Variants in IQGAP1 observed in about 807,000 individuals in gnomAD.
IQGAP1 encodes the protein ras GTPase-activating-like protein IQGAP1.
IQGAP1 carries 66 observed loss-of-function variants against 215.6 expected under a neutral mutation model. The ratio of observed to expected loss-of-function variants is 0.31; its 90% CI spans 0.25 to 0.38. The LOEUF is 0.38. IQGAP1 is among the 10% of genes least tolerant of loss of function. The pLI is 1.00. For synonymous variants in IQGAP1, 772 were observed against 728.7 expected (o/e 1.06, Z -0.96); for missense variants, 1,712 against 1,997.1 (o/e 0.86, Z 2.72).
intron 26 of IQGAP1, among the ~76,000 whole-genome samples, chr15:90,480,232 A>AG (rs1161691381): frequency 6.6e-6 from 1 of 151,938 alleles, no homozygotes; most frequent in African/African-American, 2.4e-5. Context: ...AAAAAAAAAA[A>AG]AAAAAAAAAG....
intron 5 of IQGAP1, among the ~76,000 whole-genome samples, chr15:90,435,368 C>T (rs1000807547): frequency 2.6e-5 from 4 of 152,142 alleles, no homozygotes; most frequent in African/African-American, 4.8e-5. Flanking sequence ...CCTAGCTACT[C>T]TGGAGGCTGA....
At position 90,467,444 on chromosome 15, in the gene IQGAP1, T is replaced by C; in HGVS notation, c.2036-6T>C. 1 of 1,606,422 alleles carries C rather than the reference T, an allele frequency of 6.2e-7. No individual in the cohort carries two copies. Among genetic ancestry groups the C allele is most frequent in the Non-Finnish European group, 8.5e-7 (1 of 1,177,444 alleles). On this transcript the variant is annotated splice_region_variant and splice_polypyrimidine_tract_variant and intron_variant, in intron 17 of 37. Transcript: ENST00000268182. ...TGTCTTCTATCTTTCCTTTATTTTC[T>C]GCCAGGAGATAATAACAGCAAGTGG...
intron 2 of IQGAP1, among the ~76,000 whole-genome samples, chr15:90,408,174 T>C (rs1964907519): frequency 6.6e-6 from 1 of 152,232 alleles, no homozygotes; most frequent in African/African-American, 2.4e-5. Flanking sequence ...ATGGCACCTC[T>C]CACCACAGTG....
chr15:90,481,362 T>G (rs1334760507), intron 26 of IQGAP1, among the ~76,000 whole-genome samples: 2 of 150,786 alleles, frequency 1.3e-5, no homozygotes, highest in Admixed American at 6.6e-5. Flanking sequence ...TGCTAGCATG[T>G]GCTGCTGTGC....
rs1391725238 is a variant in IQGAP1, at chr15:90,390,792, G to A, written c.74G>A (p.Arg25Lys). The change falls in exon 2 of 38, where the codon AGA becomes AAA. Residue 25 changes from arginine to lysine, a missense_variant. Transcript: ENST00000268182. The stretch of plus-strand genomic sequence containing the variant: ...GTTGTAGCTGTCCTGGATAATGAAA[G>A]ACTTACTGCAGAGGAGATGGATGAA... ...PHYGSVLDNE[R>K]LTAEEMDERR... 1.6e-5 allele frequency: 26 copies of A among 1,611,112 alleles called. No homozygotes were observed.
In IQGAP1 at chr15:90,487,408, G is replaced by GTGC. The variant is rs3833031; in HGVS notation, c.4161-67_4161-65dup. The GTGC allele has an allele frequency of 1.3e-3, 1,166 of 911,272 alleles. 13 individuals are homozygous for GTGC. In the East Asian group the frequency reaches 0.019, roughly 15 times the overall value. The allele number at this position is 911,272 out of a possible 1,614,324, so 56.4% of individuals were successfully genotyped here. A position where few individuals can be genotyped will look rare whatever the true frequency, so the allele number is the denominator to read the frequency against. On this transcript the variant is annotated intron_variant, in intron 32 of 37. Transcript: ENST00000268182. Reference sequence around the variant, plus strand: ...TTGGGACTTCTGTGAGGTACTGTTTGTGCTGCTGCTGCTGCTGCTGCTTCG... The same window carrying GTGC: ...TTGGGACTTCTGTGAGGTACTGTTTGTGCTGCTGCTGCTGCTGCTGCTGCTTCG...
chr15:90,394,773 C>T (rs928745213), intron 2 of IQGAP1, among the ~76,000 whole-genome samples: 2 of 147,982 alleles, frequency 1.4e-5, no homozygotes, highest in African/African-American at 5.1e-5. Flanking sequence ...GAAAAGCTTC[C>T]CCTCTTCAGT....
At chr15:90,388,759 G>C (rs1440673196) in intron 1 of IQGAP1, among the ~76,000 whole-genome samples, 1 of 152,184 alleles carries the variant, frequency 6.6e-6, no homozygotes, top group African/African-American at 2.4e-5. Flanking sequence ...GTCTGGGTAC[G>C]CGGGCTCTGC....
At chr15:90,426,563 T>C (rs561972875) in intron 3 of IQGAP1, among the ~76,000 whole-genome samples, 151 of 150,492 alleles carry the variant, frequency 1.0e-3, no homozygotes, top group African/African-American at 3.6e-3. Flanking sequence ...CTGGTAGAAT[T>C]CTTATGATGT....
At position 90,467,591 on chromosome 15, in the gene IQGAP1, A is replaced by T. The variant is rs372432449; in HGVS notation, c.2177A>T (p.Gln726Leu). ...NSMQLSREEI[Q>L]SSISGVTAAY... is the part of the protein sequence containing the mutation. ...ATGCAGCTTTCTCGGGAGGAGATCC[A>T]GGTAGGTTACCTTTCTTCACGTAAG... The change falls in exon 18 of 38, where the codon CAG becomes CTG. Residue 726 changes from glutamine (Q) to leucine (L), a missense_variant and splice_region_variant. Transcript: ENST00000268182. 1.9e-6 allele frequency: 3 copies of T among 1,605,468 alleles called. No homozygotes were observed. The African/African-American group carries it at 4.1e-5, about 22-fold the overall frequency.
intron 5 of IQGAP1, among the ~76,000 whole-genome samples, chr15:90,436,401 G>T (rs1437409066): frequency 6.6e-6 from 1 of 152,158 alleles, no homozygotes; most frequent in Non-Finnish European, 1.5e-5. Flanking sequence ...CTGGCTCCAA[G>T]AATTTGGATA....
chr15:90,402,282 A>G (rs1341490413), intron 2 of IQGAP1, among the ~76,000 whole-genome samples: 1 of 152,164 alleles, frequency 6.6e-6, no homozygotes, highest in Non-Finnish European at 1.5e-5. Context: ...GTTCCTTCCT[A>G]CCACTTTCTT....
intron 2 of IQGAP1, among the ~76,000 whole-genome samples, chr15:90,423,906 A>G (rs1393644346): frequency 6.6e-6 from 1 of 152,244 alleles, no homozygotes; most frequent in East Asian, 1.9e-4. Flanking sequence ...AATCTCAGAA[A>G]AGAGGAAAAC....
chr15:90,494,789 C>G lies in IQGAP1; in HGVS notation c.4705C>G (p.His1569Asp), dbSNP rs773127918. 1 of 1,607,230 alleles carries G rather than the reference C, an allele frequency of 6.2e-7. No homozygotes were observed. Among genetic ancestry groups the G allele is most frequent in the Non-Finnish European group, 8.5e-7 (1 of 1,175,462 alleles). Residue 1569 changes from histidine to aspartate, a missense_variant, in exon 36 of 38, where the codon CAT becomes GAT. His to Asp is a moderately conservative substitution (Grantham distance 81). Around this residue, in one of 2 missense-constraint regions of IQGAP1, gnomAD observed 691 missense variants for 923.0 expected, o/e 0.75. Coordinates refer to ENST00000268182, the MANE Select transcript of IQGAP1 (RefSeq NM_003870.4). Reference sequence around the variant, plus strand: ...TCTGAAATATACAGCAGCAAGACTACATGAAAAAGGAGTTCTTCTGGAAAT... The same window carrying G: ...TCTGAAATATACAGCAGCAAGACTAGATGAAAAAGGAGTTCTTCTGGAAAT... ...ISLKYTAARLHEKGVLLEIED... is the reference protein window; with the variant it reads ...ISLKYTAARLDEKGVLLEIED...
chr15:90,485,992 T>C, intron 30 of IQGAP1, 38 bp from the exon 31 acceptor site: 2 of 1,483,428 alleles, frequency 1.3e-6, no homozygotes, highest in Non-Finnish European at 1.9e-6. Context: ...GGCTGAAGAG[T>C]TGAATGTATA....
At chr15:90,473,683 A>C in intron 19 of IQGAP1, 32 bp from the exon 20 acceptor site, 1 of 1,464,248 alleles carries the variant, frequency 6.8e-7, no homozygotes, top group South Asian at 1.2e-5. Context: ...CTTGGGAAGT[A>C]ATATGTCTTC....
chr15:90,466,550 A>G (rs980560911), intron 17 of IQGAP1, 114 bp downstream of exon 17: 18 of 971,708 alleles, frequency 1.9e-5, no homozygotes, highest in African/African-American at 3.3e-5. Context: ...ATAGATGTAC[A>G]GTACTTAGGC....
chr15:90,444,030 C>T (rs1269473136), intron 9 of IQGAP1, among the ~76,000 whole-genome samples: 1 of 151,564 alleles, frequency 6.6e-6, no homozygotes, highest in Non-Finnish European at 1.5e-5. Flanking sequence ...TGCCACTGTA[C>T]TCCAGACTGG....
At chr15:90,471,821 CA>C (rs1469982483) in intron 18 of IQGAP1, among the ~76,000 whole-genome samples, 1 of 137,562 alleles carries the variant, frequency 7.3e-6, no homozygotes, top group Non-Finnish European at 1.5e-5. Flanking sequence ...CTTTTAAGTG[CA>C]TACAGTGTTG....
Sources: gnomAD v4.1 joint callset for allele counts (sites outside exome capture counted in the v4.1 genomes callset) on GRCh38, gnomAD v4.1.1 for gene constraint, gnomAD v4.1.1 regional missense constraint, MANE v1.5 for transcripts, NCBI Gene and HGNC (gene_info 2026-07-23, HGNC 2026-07-21) for gene names.